Variants in DUSP13A observed in about 807,000 individuals in gnomAD.
The protein encoded by DUSP13A is dual specificity phosphatase 13A.
chr10:75,108,129 C>T, the DUSP13A span: 4 of 1,613,542 alleles, frequency 2.5e-6, no homozygotes, highest in Admixed American at 6.7e-5. Flanking sequence ...GCCGCCCTGA[C>T]AGTAGAGGCC....
At chr10:75,108,000 G>C in the DUSP13A span, 1 of 1,612,258 alleles carries the variant, frequency 6.2e-7, no homozygotes, top group Non-Finnish European at 8.5e-7. Flanking sequence ...ACCCCCAGGC[G>C]TGTTGAGGGC....
the DUSP13A span, among the ~76,000 whole-genome samples, chr10:75,106,422 G>A: frequency 2.0e-5 from 3 of 152,132 alleles, no homozygotes; most frequent in South Asian, 4.2e-4. Context: ...CCCTGGTCTC[G>A]GTCTGACTAA....
the DUSP13A span, among the ~76,000 whole-genome samples, chr10:75,106,181 A>G: frequency 6.9e-6 from 1 of 144,104 alleles, no homozygotes; most frequent in East Asian, 2.0e-4. Flanking sequence ...AACTTAAGTG[A>G]TTCTCCCACC....
At chr10:75,105,743 C>A in the DUSP13A span, 1 of 1,554,342 alleles carries the variant, frequency 6.4e-7, no homozygotes, top group Admixed American at 1.9e-5. Flanking sequence ...TTGGGGAAGA[C>A]CCATCGGTGC....
chr10:75,108,322 C>T, the DUSP13A span: 1 of 1,462,922 alleles, frequency 6.8e-7, no homozygotes, highest in Non-Finnish European at 9.0e-7. Flanking sequence ...AAAGAGAGTC[C>T]AACCCCAGCA....
chr10:75,109,030 G>C, the DUSP13A span: 1 of 1,610,184 alleles, frequency 6.2e-7, no homozygotes, highest in African/African-American at 1.3e-5. Context: ...GAAAAGGTTG[G>C]GCCAAACTTC....
At chr10:75,108,567 C>A in the DUSP13A span, among the ~76,000 whole-genome samples, 4 of 152,196 alleles carry the variant, frequency 2.6e-5, no homozygotes, top group African/African-American at 9.6e-5. Context: ...CTGGCTACCA[C>A]CTCATACCTG....
chr10:75,107,876 C>A, the DUSP13A span: 1 of 1,279,418 alleles, frequency 7.8e-7, no homozygotes. Context: ...CACACACGGC[C>A]TAAGCAGAGG....
the DUSP13A span, chr10:75,108,238 C>A: frequency 6.4e-7 from 1 of 1,566,822 alleles, no homozygotes; most frequent in Non-Finnish European, 8.6e-7. Flanking sequence ...GCACTTGATG[C>A]CGGCCAAGCC....
chr10:75,108,122 G>A, the DUSP13A span: 20 of 1,613,604 alleles, frequency 1.2e-5, no homozygotes, highest in East Asian at 2.2e-5. Context: ...AGTCAGGGCC[G>A]CCCTGACAGT....
chr10:75,106,009 T>A, the DUSP13A span: 4 of 740,114 alleles, frequency 5.4e-6, no homozygotes, highest in Non-Finnish European at 9.1e-6. Context: ...TTTATGGACC[T>A]CAGTTTCCTG....
At chr10:75,105,765 G>A in the DUSP13A span, 3 of 1,552,676 alleles carry the variant, frequency 1.9e-6, no homozygotes, top group South Asian at 2.4e-5. Flanking sequence ...GCCTCACGGT[G>A]ATCACCGCCT....
the DUSP13A span, among the ~76,000 whole-genome samples, chr10:75,107,180 C>G: frequency 6.6e-6 from 1 of 152,064 alleles, no homozygotes; most frequent in Non-Finnish European, 1.5e-5. Context: ...TGCTAAAATA[C>G]AAAAATTAGC....
At chr10:75,105,783 G>C in the DUSP13A span, 3 of 1,551,268 alleles carry the variant, frequency 1.9e-6, no homozygotes, top group Middle Eastern at 2.0e-4. Context: ...CCTGGCGCAG[G>C]GACAGCCGCT....
chr10:75,105,772 G>C, the DUSP13A span: 1 of 1,551,740 alleles, frequency 6.4e-7, no homozygotes, highest in Non-Finnish European at 8.7e-7. Context: ...GGTGATCACC[G>C]CCTGGCGCAG....
At chr10:75,106,469 C>T in the DUSP13A span, among the ~76,000 whole-genome samples, 2 of 152,300 alleles carry the variant, frequency 1.3e-5, no homozygotes, top group Admixed American at 6.5e-5. Context: ...GGCTGAGACA[C>T]GGCTTCCTCC....
At chr10:75,108,391 G>T in the DUSP13A span, 1 of 1,149,650 alleles carries the variant, frequency 8.7e-7, no homozygotes, top group Non-Finnish European at 1.2e-6. Flanking sequence ...CTTTCTGGTG[G>T]CTGAGCCGGC....
chr10:75,108,314 A>C, the DUSP13A span: 14 of 1,479,452 alleles, frequency 9.5e-6, no homozygotes, highest in Non-Finnish European at 1.2e-5. Context: ...TAGGGTCCAA[A>C]GAGAGTCCAA....
At chr10:75,108,371 G>A in the DUSP13A span, 2 of 1,337,554 alleles carry the variant, frequency 1.5e-6, no homozygotes, top group Admixed American at 6.0e-5. Flanking sequence ...CCTATACCCA[G>A]AGCCCCGCAC....
Sources: allele counts gnomAD v4.1 joint callset (sites outside exome capture counted in the v4.1 genomes callset), GRCh38; gene constraint gnomAD v4.1.1; transcripts MANE v1.5; gene names NCBI Gene and HGNC (gene_info 2026-07-23, HGNC 2026-07-21).